The following GHR variants were observed in gnomAD, a reference collection of about 807,000 sequenced individuals.
GHR encodes the protein GH receptor.
Under a neutral mutation model 67.1 loss-of-function variants are expected in GHR, and 35 were observed. That is an observed-to-expected ratio of 0.52 (90% CI 0.40 to 0.69). The LOEUF (loss-of-function observed/expected upper bound fraction) is 0.69. GHR is among the 30% of genes least tolerant of loss of function. The probability of loss-of-function intolerance (pLI) is 0.00; values close to 1 mark genes in which losing one functional copy is unlikely to be tolerated. For synonymous variants in GHR, 272 were observed against 269.1 expected (o/e 1.01, Z -0.10); for missense variants, 792 against 764.6 (o/e 1.04, Z -0.42).
chr5:42,611,234 G>C (rs1252549397), intron 2 of GHR, among the ~76,000 whole-genome samples: 1 of 152,056 alleles, frequency 6.6e-6, no homozygotes, highest in Non-Finnish European at 1.5e-5. Flanking sequence ...TGGCTCATGA[G>C]TGTAATGTGT....
At chr5:42,568,488 C>A (rs932356118) in intron 2 of GHR, among the ~76,000 whole-genome samples, 1 of 152,154 alleles carries the variant, frequency 6.6e-6, no homozygotes, top group Non-Finnish European at 1.5e-5. Flanking sequence ...GACCTATCAA[C>A]TGATTGTATC....
intron 1 of GHR, among the ~76,000 whole-genome samples, chr5:42,548,936 A>T (rs1237729748): frequency 6.6e-6 from 1 of 152,246 alleles, no homozygotes; most frequent in Non-Finnish European, 1.5e-5. Flanking sequence ...GTCAACAGAG[A>T]TAGTAATTTG....
At chr5:42,514,200 A>G (rs1033356381) in intron 1 of GHR, 43 of 985,132 alleles carry the variant, frequency 4.4e-5, no homozygotes, top group Middle Eastern at 5.2e-4. Flanking sequence ...TTGACTACCT[A>G]CAAGTGCCTT....
chr5:42,621,226 G>T (rs1753428618), intron 2 of GHR, among the ~76,000 whole-genome samples: 1 of 152,052 alleles, frequency 6.6e-6, no homozygotes. Flanking sequence ...GGGAAGCTTT[G>T]CAGAAGGAAG....
chr5:42,473,338 C>A (rs1037165553), intron 1 of GHR, among the ~76,000 whole-genome samples: 4 of 152,128 alleles, frequency 2.6e-5, no homozygotes, highest in Admixed American at 6.5e-5. Context: ...TCAAACAATT[C>A]TCTTGACTCA....
intron 1 of GHR, among the ~76,000 whole-genome samples, chr5:42,476,989 G>A (rs935258855): frequency 1.2e-4 from 18 of 151,478 alleles, no homozygotes; most frequent in Admixed American, 7.2e-4. Flanking sequence ...CCATTAACTC[G>A]TCATTTAGCG....
At chr5:42,597,471 G>A (rs1752133253) in intron 2 of GHR, among the ~76,000 whole-genome samples, 1 of 152,142 alleles carries the variant, frequency 6.6e-6, no homozygotes, top group Non-Finnish European at 1.5e-5. Context: ...TACACCACTA[G>A]GTAAGAACAG....
intron 1 of GHR, among the ~76,000 whole-genome samples, chr5:42,520,778 A>G (rs532472923): frequency 3.3e-5 from 5 of 152,212 alleles, no homozygotes; most frequent in African/African-American, 1.2e-4. Flanking sequence ...CTCTCCTCCT[A>G]GTCCCTGTCC....
At chr5:42,429,496 T>C (rs1026303220) in intron 1 of GHR, among the ~76,000 whole-genome samples, 12 of 152,218 alleles carry the variant, frequency 7.9e-5, no homozygotes, top group Non-Finnish European at 1.0e-4. Flanking sequence ...TAAGACAGTT[T>C]AATATTAATG....
chr5:42,638,851 A>C (rs1452035286), intron 3 of GHR, among the ~76,000 whole-genome samples: 5 of 152,236 alleles, frequency 3.3e-5, no homozygotes, highest in Non-Finnish European at 7.3e-5. Flanking sequence ...TGTGTAAAAA[A>C]ATAAATAATT....
intron 1 of GHR, among the ~76,000 whole-genome samples, chr5:42,426,795 A>G (rs1221654377): frequency 6.6e-6 from 1 of 152,220 alleles, no homozygotes; most frequent in African/African-American, 2.4e-5. Context: ...AACAGATAAT[A>G]TAAATAATAT....
intron 1 of GHR, among the ~76,000 whole-genome samples, chr5:42,448,353 A>G (rs1365345848): frequency 6.6e-6 from 1 of 152,004 alleles, no homozygotes; most frequent in East Asian, 1.9e-4. Context: ...TAGTGATGTC[A>G]AGCATTTTTT....
At chr5:42,585,679 C>T (rs1751438913) in intron 2 of GHR, among the ~76,000 whole-genome samples, 1 of 152,026 alleles carries the variant, frequency 6.6e-6, no homozygotes. Context: ...AATTTTAACC[C>T]CCTTGAAGTT....
intron 2 of GHR, among the ~76,000 whole-genome samples, chr5:42,575,731 TAA>T (rs34968925): frequency 1.8e-4 from 25 of 139,184 alleles, no homozygotes; most frequent in South Asian, 2.3e-4. Context: ...AGCCTGCATG[TAA>T]AAAAAAAAAA....
At chr5:42,515,469 C>A (rs189588301) in intron 1 of GHR, among the ~76,000 whole-genome samples, 189 of 152,296 alleles carry the variant, frequency 1.2e-3, no homozygotes, top group African/African-American at 4.1e-3. Flanking sequence ...ATGTCATCCA[C>A]ATAGTCTTGG....
At chr5:42,591,007 A>G (rs1241516646) in intron 2 of GHR, among the ~76,000 whole-genome samples, 1 of 152,222 alleles carries the variant, frequency 6.6e-6, no homozygotes, top group Admixed American at 6.5e-5. Context: ...CACAATCTTT[A>G]AAAGGGAACT....
chr5:42,480,311 G>A (rs1480997247), intron 1 of GHR, among the ~76,000 whole-genome samples: 1 of 152,200 alleles, frequency 6.6e-6, no homozygotes. Flanking sequence ...TTCCAAGTAT[G>A]TGGTCAATTT....
intron 6 of GHR, among the ~76,000 whole-genome samples, chr5:42,703,159 A>G (rs989189856): frequency 1.3e-5 from 2 of 151,954 alleles, no homozygotes; most frequent in African/African-American, 4.8e-5. Flanking sequence ...GCTTTTTCCT[A>G]TATTTTCTTC....
rs149470749 is a variant in GHR at position 42,699,831 on chromosome 5, A to G, written c.447A>G (p.Pro149=). The G allele has an allele frequency of 5.0e-6, 8 of 1,606,318 alleles. No individual in the cohort carries two copies. Among genetic ancestry groups the G allele is most frequent in the Non-Finnish European group, 6.8e-6 (8 of 1,173,052 alleles). Residue 149 remains proline (P), a synonymous_variant, in exon 6 of 10, where the codon CCA becomes CCG. Transcript: ENST00000230882. ...CTCTGTTGAATTGCACAGTGCAACC[A>G]GATCCACCCATTGCCCTCAACTGGA... is the stretch of plus-strand genomic sequence containing the variant. ...KCFSVDEIVQ[P]DPPIALNWTL... is the part of the protein sequence containing the mutation.
Sources: gnomAD v4.1 joint callset for allele counts (sites outside exome capture counted in the v4.1 genomes callset) on GRCh38, gnomAD v4.1.1 for gene constraint, MANE v1.5 for transcripts, NCBI Gene and HGNC (gene_info 2026-07-23, HGNC 2026-07-21) for gene names.